GNG2: variants seen among roughly 807,000 people sequenced by gnomAD.
GNG2 encodes the protein G protein subunit gamma 2, also known as guanine nucleotide-binding protein G(I)/G(S)/G(O) subunit gamma-2.
Under a neutral mutation model 5.5 loss-of-function variants are expected in GNG2, and 5 were observed. That is an observed-to-expected ratio of 0.91 (90% CI 0.48 to 1.92). The LOEUF is 1.92. Ranked by LOEUF, GNG2 falls within the 30% of genes most tolerant of loss-of-function variation. The pLI is 0.01. For missense variants in GNG2, 55 were observed against 88.4 expected (o/e 0.62, Z 1.52); for synonymous variants, 28 against 32.0 (o/e 0.88, Z 0.42).
intron 2 of GNG2, among the ~76,000 whole-genome samples, chr14:51,894,536 C>T (rs1485639454): frequency 6.6e-6 from 1 of 152,074 alleles, no homozygotes; most frequent in Non-Finnish European, 1.5e-5. Flanking sequence ...TGGAGGAAAA[C>T]AGTACTTTGA....
intron 1 of GNG2, among the ~76,000 whole-genome samples, chr14:51,874,424 CAA>C (rs71121671): frequency 0.14 from 13,002 of 95,582 alleles, 989 homozygotes; most frequent in African/African-American, 0.32. Flanking sequence ...GACTCTGTCT[CAA>C]AAAAAAAAAA....
chr14:51,926,136 A>T (rs1887305961), intron 2 of GNG2, among the ~76,000 whole-genome samples: 1 of 152,064 alleles, frequency 6.6e-6, no homozygotes, highest in Non-Finnish European at 1.5e-5. Context: ...TGTCCACTTT[A>T]ATTTTTAAAG....
intron 2 of GNG2, among the ~76,000 whole-genome samples, chr14:51,831,988 A>C (rs1267158900): frequency 1.3e-5 from 2 of 152,184 alleles, no homozygotes; most frequent in Non-Finnish European, 2.9e-5. Context: ...AACTCATTAA[A>C]ATGATGGGGA....
At chr14:51,964,692 C>A (rs1293362593) in intron 3 of GNG2, among the ~76,000 whole-genome samples, 1 of 152,136 alleles carries the variant, frequency 6.6e-6, no homozygotes, top group Non-Finnish European at 1.5e-5. Context: ...TCTACCCAAC[C>A]AGTAAATCAT....
chr14:51,961,049 G>T (rs1594965153), intron 3 of GNG2, among the ~76,000 whole-genome samples: 1 of 152,046 alleles, frequency 6.6e-6, no homozygotes, highest in African/African-American at 2.4e-5. Flanking sequence ...ACTCTGTCTG[G>T]GTACTCCCTC....
upstream of GNG2, among the ~76,000 whole-genome samples, chr14:51,858,950 A>C (rs569420010): frequency 6.6e-6 from 1 of 152,290 alleles, no homozygotes; most frequent in East Asian, 1.9e-4. Context: ...ATCAAAACAA[A>C]GGGTGTTTTG....
chr14:51,914,790 T>A (rs1233070317), intron 2 of GNG2, among the ~76,000 whole-genome samples: 1 of 152,182 alleles, frequency 6.6e-6, no homozygotes, highest in African/African-American at 2.4e-5. Flanking sequence ...TTTTCAAATG[T>A]AATACAGACC....
chr14:51,841,457 C>A (rs1454796861), intron 2 of GNG2: 2 of 683,996 alleles, frequency 2.9e-6, no homozygotes, highest in Admixed American at 2.1e-5. Flanking sequence ...TCATATAATC[C>A]TCACTGTAAT....
intron 2 of GNG2, among the ~76,000 whole-genome samples, chr14:51,889,054 T>A (rs545620966): frequency 6.7e-6 from 1 of 149,674 alleles, no homozygotes; most frequent in East Asian, 2.0e-4. Context: ...GGTTTCAGAC[T>A]GGGGGAGAGG....
intron 2 of GNG2, among the ~76,000 whole-genome samples, chr14:51,880,898 C>T (rs1488062437): frequency 7.0e-6 from 1 of 143,386 alleles, no homozygotes; most frequent in East Asian, 2.2e-4. Flanking sequence ...GGGGGTTAAT[C>T]CAACTCTTGG....
chr14:51,847,563 T>TAA (rs112445534), intron 2 of GNG2, among the ~76,000 whole-genome samples: 2 of 151,754 alleles, frequency 1.3e-5, no homozygotes, highest in Non-Finnish European at 2.9e-5. Context: ...ATTTCAAATT[T>TAA]AAAAAAAAGA....
At chr14:51,912,340 T>C (rs34782634) in intron 2 of GNG2, among the ~76,000 whole-genome samples, 21,294 of 152,140 alleles carry the variant, frequency 0.14, 2,578 homozygotes, top group African/African-American at 0.33. Context: ...TCCCATCTTC[T>C]ATCCCCACAC....
chr14:51,941,616 T>C (rs753969227), intron 2 of GNG2, among the ~76,000 whole-genome samples: 10 of 152,204 alleles, frequency 6.6e-5, no homozygotes, highest in Non-Finnish European at 1.3e-4. Flanking sequence ...ACAATTAACC[T>C]ACACACTCTC....
intron 1 of GNG2, among the ~76,000 whole-genome samples, chr14:51,866,980 T>C (rs1416597955): frequency 6.6e-6 from 1 of 152,238 alleles, no homozygotes; most frequent in Non-Finnish European, 1.5e-5. Context: ...GATTATGTTG[T>C]GACAATAATT....
In GNG2 at chr14:51,961,625, A is replaced by G. The variant is rs114239815; in HGVS notation, c.88-4934A>G. Among the ~76,000 whole-genome samples the G allele has an allele frequency of 3.5e-3, 535 of 152,336 alleles. 4 individuals carry two copies. Among genetic ancestry groups the G allele is most frequent in the African/African-American group, 0.012 (507 of 41,584 alleles). On this transcript the variant is annotated intron_variant, in intron 3 of 3. Transcript: ENST00000556766. ...ATGTGAGAAAGTACTCTGAGAGAAA[A>G]TAATCAGGAAAGTCACTGTGGATGA...
Position 51,954,961 on chromosome 14 carries a change from C to A in GNG2, c.87+4196C>A, listed in dbSNP as rs547892904. 3.9e-5 allele frequency among the ~76,000 whole-genome samples: 6 copies of A among 152,190 alleles called. No individual in the cohort carries two copies. In the East Asian group the frequency reaches 1.2e-3, roughly 29 times the overall value. On this transcript the variant is annotated intron_variant, in intron 3 of 3. Coordinates refer to ENST00000556766, the MANE Select transcript of GNG2 (RefSeq NM_053064.5). ...TTGAACTCCATTATACAGACATAGCCCCTAGGAATTAACCTGCCCATGTAG... is the reference window on the plus strand; with the variant it reads ...TTGAACTCCATTATACAGACATAGCACCTAGGAATTAACCTGCCCATGTAG...
intron 2 of GNG2, among the ~76,000 whole-genome samples, chr14:51,920,978 A>G (rs1403866158): frequency 6.6e-6 from 1 of 151,996 alleles, no homozygotes; most frequent in Non-Finnish European, 1.5e-5. Context: ...ATTGCCAAGA[A>G]CTCATCATAT....
intron 2 of GNG2, among the ~76,000 whole-genome samples, chr14:51,908,527 GATCT>G (rs10624821): frequency 0.021 from 3,100 of 149,660 alleles, 103 homozygotes; most frequent in African/African-American, 0.068. Context: ...ATATTTTAAA[GATCT>G]ATCTATCTAT....
chr14:51,861,627 T>C (rs1030383252), intron 1 of GNG2, among the ~76,000 whole-genome samples: 1 of 152,204 alleles, frequency 6.6e-6, no homozygotes, highest in Non-Finnish European at 1.5e-5. Flanking sequence ...AACCAGAACA[T>C]GATTTTTATT....
Sources: gnomAD v4.1 joint callset for allele counts (sites outside exome capture counted in the v4.1 genomes callset) on GRCh38, gnomAD v4.1.1 for gene constraint, MANE v1.5 for transcripts, NCBI Gene and HGNC (gene_info 2026-07-23, HGNC 2026-07-21) for gene names.